LRP1B: variants seen among roughly 807,000 people sequenced by gnomAD.
LRP1B encodes low-density lipoprotein receptor-related protein 1B.
In LRP1B, 217 loss-of-function variants were observed where a neutral mutation model predicts 556.6. The ratio of observed to expected loss-of-function variants is 0.39; its 90% CI spans 0.35 to 0.44. The LOEUF is 0.44. Among genes scored for constraint, LRP1B ranks in the 20% least tolerant of loss-of-function variants. The pLI is 1.00. For synonymous variants in LRP1B, 2,047 were observed against 1,865.8 expected (o/e 1.10, Z -2.50); for missense variants, 5,053 against 5,620.8 (o/e 0.90, Z 3.23).
chr2:140,764,419 T>A (rs1482457587), intron 35 of LRP1B, among the ~76,000 whole-genome samples: 2 of 152,108 alleles, frequency 1.3e-5, no homozygotes, highest in Admixed American at 1.3e-4. Context: ...ATATGGCCCC[T>A]TGATCTCTTT....
chr2:141,681,894 C>T (rs1387239363), intron 2 of LRP1B, among the ~76,000 whole-genome samples: 1 of 152,156 alleles, frequency 6.6e-6, no homozygotes, highest in African/African-American at 2.4e-5. Flanking sequence ...ATAGACTTAG[C>T]TATTTCCAGT....
At chr2:141,724,326 G>C (rs1692949459) in intron 2 of LRP1B, among the ~76,000 whole-genome samples, 1 of 151,894 alleles carries the variant, frequency 6.6e-6, no homozygotes, top group Non-Finnish European at 1.5e-5. Flanking sequence ...TGCAAGGTTT[G>C]ATTTGGTGTA....
At chr2:141,467,837 A>AG (rs1246648053) in intron 3 of LRP1B, among the ~76,000 whole-genome samples, 815 of 22,748 alleles carry the variant, frequency 0.036, 45 homozygotes, top group African/African-American at 0.096. Context: ...TTGTTTGCGG[A>AG]CCGGGGGGGG....
At chr2:141,482,131 A>C (rs1682941955) in intron 2 of LRP1B, among the ~76,000 whole-genome samples, 1 of 152,164 alleles carries the variant, frequency 6.6e-6, no homozygotes, top group African/African-American at 2.4e-5. Flanking sequence ...TAAAATTAGA[A>C]AACAAATAAA....
intron 66 of LRP1B, among the ~76,000 whole-genome samples, chr2:140,423,457 CTAAGTA>C (rs1284307476): frequency 9.2e-5 from 14 of 152,226 alleles, no homozygotes; most frequent in East Asian, 3.9e-4. Context: ...TGAAAGCATA[CTAAGTA>C]TAAGTATTGT....
Position 140,701,797 on chromosome 2 carries a change from T to C in LRP1B, c.6351A>G (p.Thr2117=), listed in dbSNP as rs1686652290. The C allele has an allele frequency of 1.2e-6, 2 of 1,613,298 alleles. No homozygotes were observed. The highest frequency in any genetic ancestry group is 4.5e-5 in the East Asian group (2 of 44,876). The change falls in exon 40 of 91, where the codon ACA becomes ACG. Residue 2117 remains threonine, a synonymous_variant. Transcript: ENST00000389484. ...SVRRGHKNDA[T]ETITMRTGLG... ...GGCCGGTTCTCATGGTTATCGTTTC[T>C]GTGGCATCATTCTTGTGGCCCCTTC... is the stretch of plus-strand genomic sequence containing the variant.
chr2:141,391,828 T>TA (rs150762681), intron 3 of LRP1B, among the ~76,000 whole-genome samples: 42 of 152,288 alleles, frequency 2.8e-4, no homozygotes, highest in African/African-American at 9.4e-4. Context: ...AATGCCAGAA[T>TA]AAAAAACCTT....
chr2:140,665,390 C>T (rs1685232250), intron 41 of LRP1B, among the ~76,000 whole-genome samples: 1 of 152,050 alleles, frequency 6.6e-6, no homozygotes, highest in African/African-American at 2.4e-5. Flanking sequence ...ATACCTGGTC[C>T]AGTATTTTTC....
At chr2:142,004,939 G>A (rs2105143547) in intron 1 of LRP1B, among the ~76,000 whole-genome samples, 1 of 151,110 alleles carries the variant, frequency 6.6e-6, no homozygotes, top group African/African-American at 2.4e-5. Context: ...TTTTCAACCT[G>A]CAATTTATGG....
At chr2:140,726,557 C>G (rs763432489) in intron 35 of LRP1B, among the ~76,000 whole-genome samples, 4 of 152,082 alleles carry the variant, frequency 2.6e-5, no homozygotes, top group South Asian at 2.1e-4. Flanking sequence ...CTTCCTCCTT[C>G]CAAAAATATA....
chr2:140,425,776 T>C (rs1685627498), intron 66 of LRP1B, among the ~76,000 whole-genome samples: 2 of 152,298 alleles, frequency 1.3e-5, no homozygotes, highest in Admixed American at 1.3e-4. Context: ...TCCTTAAGTA[T>C]AAAATAGGAA....
chr2:141,838,334 A>T (rs1480818614), intron 1 of LRP1B, among the ~76,000 whole-genome samples: 2 of 152,156 alleles, frequency 1.3e-5, no homozygotes, highest in African/African-American at 4.8e-5. Flanking sequence ...CACTGCATTA[A>T]CCTGGTGAAT....
intron 11 of LRP1B, among the ~76,000 whole-genome samples, chr2:141,041,620 G>T (rs1379403000): frequency 6.6e-6 from 1 of 152,030 alleles, no homozygotes; most frequent in African/African-American, 2.4e-5. Flanking sequence ...CTCAACACAT[G>T]CATAGTTACA....
rs889174991 is a variant in LRP1B at position 140,571,281 on chromosome 2, A to T, written c.7194+27350T>A. ...GAAACCCTAAAAGCTCCACCAAAAA[A>T]CTCTTATAACTGATAAATAATTTAG... On this transcript the variant is annotated intron_variant, in intron 43 of 90. Transcript: ENST00000389484. 1.7e-4 allele frequency among the ~76,000 whole-genome samples: 26 copies of T among 151,634 alleles called. 1 individual carries two copies. Among genetic ancestry groups the T allele is most frequent in the Admixed American group, 1.3e-3 (20 of 15,204 alleles).
chr2:140,904,048 A>T (rs1239195132), intron 22 of LRP1B, among the ~76,000 whole-genome samples: 3 of 152,100 alleles, frequency 2.0e-5, no homozygotes, highest in African/African-American at 7.2e-5. Flanking sequence ...CTACTTCATT[A>T]CCAAATTGTA....
intron 3 of LRP1B, among the ~76,000 whole-genome samples, chr2:141,320,073 G>A (rs540411636): frequency 6.6e-6 from 1 of 152,116 alleles, no homozygotes; most frequent in East Asian, 1.9e-4. Flanking sequence ...CTCAGATGAT[G>A]CCAATGTTTC....
At chr2:140,647,459 A>G (rs1363678404) in intron 41 of LRP1B, among the ~76,000 whole-genome samples, 1 of 152,104 alleles carries the variant, frequency 6.6e-6, no homozygotes, top group Non-Finnish European at 1.5e-5. Flanking sequence ...TTGACATGTA[A>G]TTTATCATCC....
At chr2:141,560,772 G>A (rs551536486) in intron 2 of LRP1B, among the ~76,000 whole-genome samples, 4 of 151,652 alleles carry the variant, frequency 2.6e-5, no homozygotes, top group African/African-American at 7.2e-5. Context: ...TTTCAGGTCA[G>A]AAGATTTAGT....
chr2:141,176,171 G>A, intron 7 of LRP1B, among the ~76,000 whole-genome samples: 1 of 152,092 alleles, frequency 6.6e-6, no homozygotes, highest in Admixed American at 6.5e-5. Flanking sequence ...GGACTTTTGA[G>A]TCAATGCTGG....
Sources: gnomAD v4.1 joint callset for allele counts (sites outside exome capture counted in the v4.1 genomes callset) on GRCh38, gnomAD v4.1.1 for gene constraint, MANE v1.5 for transcripts, NCBI Gene and HGNC (gene_info 2026-07-23, HGNC 2026-07-21) for gene names.